EMSY: variants seen among roughly 807,000 people sequenced by gnomAD.
EMSY encodes EMSY transcriptional repressor, BRCA2 interacting.
A neutral mutation model predicts 134.6 loss-of-function variants in EMSY; 26 were observed. The ratio of observed to expected loss-of-function variants is 0.19; its 90% CI spans 0.14 to 0.27. EMSY has a LOEUF of 0.27. EMSY is among the 10% of genes least tolerant of loss of function. EMSY has a pLI of 1.00. For synonymous variants in EMSY, 579 were observed against 577.8 expected, an observed-to-expected ratio of 1.00 and a Z score of -0.03; for missense variants, 1,305 against 1,611.4, an observed-to-expected ratio of 0.81 and a Z score of 3.26.
intron 2 of EMSY, among the ~76,000 whole-genome samples, chr11:76,449,013 A>G (rs1947540959): frequency 6.6e-6 from 1 of 152,094 alleles, no homozygotes; most frequent in Non-Finnish European, 1.5e-5. Context: ...CCTGAGCTGT[A>G]GCTCCAACAC....
At chr11:76,516,996 T>C (rs1329880816) in intron 11 of EMSY, among the ~76,000 whole-genome samples, 8 of 152,186 alleles carry the variant, frequency 5.3e-5, no homozygotes. Context: ...TGGACCCTAA[T>C]GTGGAATGTT....
intron 9 of EMSY, among the ~76,000 whole-genome samples, chr11:76,500,869 C>T (rs1446460528): frequency 6.6e-6 from 1 of 152,152 alleles, no homozygotes; most frequent in Non-Finnish European, 1.5e-5. Context: ...ATGCAAATAA[C>T]AATAACAAAT....
intron 8 of EMSY, among the ~76,000 whole-genome samples, chr11:76,483,745 A>G (rs1165660010): frequency 6.6e-6 from 1 of 152,208 alleles, no homozygotes; most frequent in East Asian, 1.9e-4. Context: ...CCAGATTAAT[A>G]AAGCAAGTTC....
chr11:76,537,578 A>G (rs78761793), intron 15 of EMSY, among the ~76,000 whole-genome samples: 1,869 of 152,322 alleles, frequency 0.012, 30 homozygotes, highest in African/African-American at 0.041. Flanking sequence ...GTGTTATTGT[A>G]TGTAAGTCCT....
chr11:76,505,021 A>G (rs1737745206), intron 9 of EMSY, among the ~76,000 whole-genome samples: 1 of 152,318 alleles, frequency 6.6e-6, no homozygotes, highest in South Asian at 2.1e-4. Flanking sequence ...GAATGGGTGC[A>G]AGGAGTAGTA....
At chr11:76,461,076 T>G (rs1193578849) in intron 6 of EMSY, 1 of 152,030 alleles carries the variant, frequency 6.6e-6, no homozygotes, top group Non-Finnish European at 1.5e-5. Context: ...GAGGATCTTA[T>G]GCTGCTTCAA....
chr11:76,549,403 G>A lies in EMSY; in HGVS notation c.3775-549G>A, dbSNP rs1951766620. Among the ~76,000 whole-genome samples the A allele has an allele frequency of 3.3e-5, 5 of 152,156 alleles. No homozygotes were observed. The South Asian group carries it at 1.0e-3, about 32-fold the overall frequency. On this transcript the variant is annotated intron_variant, in intron 20 of 20. Transcript: ENST00000334736. ...ATAAAGAGGAAAAAGAATCTGACAA[G>A]GCAGTGTACCTATGATATTTACTTA...
chr11:76,542,740 T>A (rs1951487496), intron 18 of EMSY, among the ~76,000 whole-genome samples: 1 of 129,618 alleles, frequency 7.7e-6, no homozygotes. Flanking sequence ...TTGTAGTTTG[T>A]TTTTCGTTTT....
intron 12 of EMSY, among the ~76,000 whole-genome samples, chr11:76,525,271 A>G (rs1950804183): frequency 2.0e-5 from 3 of 152,222 alleles, no homozygotes; most frequent in Non-Finnish European, 4.4e-5. Context: ...AAGAGTATGC[A>G]TGTGTTGAAA....
chr11:76,547,706 G>A (rs1276577440), intron 20 of EMSY, among the ~76,000 whole-genome samples: 3 of 152,192 alleles, frequency 2.0e-5, no homozygotes, highest in African/African-American at 7.2e-5. Context: ...AAATTATCAT[G>A]CCTACTGGGG....
At chr11:76,512,516 C>G (rs914356930) in intron 9 of EMSY, among the ~76,000 whole-genome samples, 6 of 151,890 alleles carry the variant, frequency 4.0e-5, no homozygotes, top group African/African-American at 1.5e-4. Context: ...ACATAGTTCT[C>G]AAAAACAGTT....
chr11:76,446,776 G>T, intron 1 of EMSY, 124 bp from the exon 2 acceptor site: 1 of 579,186 alleles, frequency 1.7e-6, no homozygotes, highest in South Asian at 2.3e-5. Flanking sequence ...TGGTGAGAAA[G>T]GATTGTAAAA....
chr11:76,519,593 T>C (rs1164450498), intron 11 of EMSY, among the ~76,000 whole-genome samples: 10 of 152,160 alleles, frequency 6.6e-5, no homozygotes, highest in Non-Finnish European at 1.3e-4. Flanking sequence ...AGCTATTGTT[T>C]TTGCACTTTT....
At chr11:76,530,615 T>C (rs918602798) in intron 14 of EMSY, among the ~76,000 whole-genome samples, 3 of 152,214 alleles carry the variant, frequency 2.0e-5, no homozygotes, top group African/African-American at 7.2e-5. Context: ...TATATTACTT[T>C]TTAAAATATT....
At chr11:76,464,754 T>C (rs1370262825) in intron 7 of EMSY, among the ~76,000 whole-genome samples, 1 of 152,170 alleles carries the variant, frequency 6.6e-6, no homozygotes. Context: ...TATCCTCCAG[T>C]AGCTACCTGG....
chr11:76,534,374 A>C (rs1951151373), intron 14 of EMSY, among the ~76,000 whole-genome samples: 1 of 152,182 alleles, frequency 6.6e-6, no homozygotes, highest in Non-Finnish European at 1.5e-5. Flanking sequence ...GGCATTTGGT[A>C]TTGCAGGATA....
intron 11 of EMSY, among the ~76,000 whole-genome samples, chr11:76,520,801 A>G (rs575511821): frequency 4.8e-5 from 5 of 104,500 alleles, no homozygotes; most frequent in East Asian, 7.1e-4. Flanking sequence ...GTAAGTTTGT[A>G]TAAAACTTAA....
rs763253905 is a variant in EMSY, at chr11:76,453,415, A to G, written c.245+27A>G. Reference sequence around the variant, plus strand: ...TAAGCCATTAGTCGTACCATCCCTGATTTTTTATGACATAGTATAACACAG... The same window carrying G: ...TAAGCCATTAGTCGTACCATCCCTGGTTTTTTATGACATAGTATAACACAG... On this transcript the variant is annotated intron_variant, in intron 4 of 20. Transcript: ENST00000334736. 30 of 1,597,730 alleles carry G rather than the reference A, an allele frequency of 1.9e-5. No homozygotes were observed. In the Admixed American group the frequency reaches 5.1e-4, roughly 27 times the overall value.
chr11:76,461,582 A>C (rs1948119013), intron 6 of EMSY, among the ~76,000 whole-genome samples: 1 of 152,232 alleles, frequency 6.6e-6, no homozygotes, highest in Non-Finnish European at 1.5e-5. Context: ...CTGCAGATTT[A>C]GCCAAGGTGG....
Sources: allele counts gnomAD v4.1 joint callset (sites outside exome capture counted in the v4.1 genomes callset), GRCh38; gene constraint gnomAD v4.1.1; transcripts MANE v1.5; gene names NCBI Gene and HGNC (gene_info 2026-07-23, HGNC 2026-07-21).